The following AFF3 variants were observed in gnomAD, a reference collection of about 807,000 sequenced individuals.
AFF3 encodes the protein AF4/FMR2 family member 3.
AFF3 carries 32 observed loss-of-function variants against 129.7 expected under a neutral mutation model. That is an observed-to-expected ratio of 0.25 (90% CI 0.19 to 0.33). AFF3 has a LOEUF of 0.33. AFF3 is among the 10% of genes least tolerant of loss of function. The probability of loss-of-function intolerance (pLI) is 1.00; values close to 1 mark genes in which losing one functional copy is unlikely to be tolerated. For missense variants in AFF3, 1,373 were observed against 1,592.0 expected (o/e 0.86, Z 2.34); for synonymous variants, 644 against 635.4 (o/e 1.01, Z -0.20).
At chr2:100,116,305 CTT>C (rs1166880242) in intron 2 of AFF3, among the ~76,000 whole-genome samples, 1 of 151,802 alleles carries the variant, frequency 6.6e-6, no homozygotes, top group African/African-American at 2.4e-5. Flanking sequence ...GCCTGACAAA[CTT>C]TGCCTTTTAA....
chr2:100,103,861 T>C (rs2666309), intron 4 of AFF3, among the ~76,000 whole-genome samples: 33 of 150,590 alleles, frequency 2.2e-4, no homozygotes, highest in East Asian at 8.0e-4. Context: ...ACTCGTTTCC[T>C]GCCCTGGATG....
At chr2:99,829,736 T>A (rs1688376087) in intron 8 of AFF3, among the ~76,000 whole-genome samples, 1 of 152,146 alleles carries the variant, frequency 6.6e-6, no homozygotes, top group African/African-American at 2.4e-5. Flanking sequence ...TCCTCAAGGA[T>A]CTAGAACCAG....
At chr2:99,902,474 A>C (rs1231459436) in intron 7 of AFF3, among the ~76,000 whole-genome samples, 3 of 152,082 alleles carry the variant, frequency 2.0e-5, no homozygotes, top group Non-Finnish European at 2.9e-5. Context: ...ATCTCAACTC[A>C]ATGCAGGTGT....
At position 99,549,539 on chromosome 2, in the gene AFF3, C is replaced by T. The variant is rs1041525383; in HGVS notation, c.*1935G>A. ...GGCAGAGGATGCAGTGAGCCGAGAT[C>T]GTGCCACTGCACTCCAGCCTGGGCA... On this transcript the variant is annotated 3_prime_UTR_variant, in exon 25 of 25. Coordinates refer to ENST00000672756, the MANE Select transcript of AFF3 (RefSeq NM_001386135.1). 12 of 184,290 alleles carry T rather than the reference C, an allele frequency of 6.5e-5. No homozygotes were observed. The highest frequency in any genetic ancestry group is 5.3e-4 in the East Asian group (6 of 11,264). The allele number at this position is 184,290 out of a possible 1,614,324, so 11.4% of individuals were successfully genotyped here.
In AFF3 at chr2:99,877,067, G is replaced by A. The variant is rs1328313544; in HGVS notation, c.874-39543C>T. Among the ~76,000 whole-genome samples, 4 of 152,156 alleles carry A rather than the reference G, an allele frequency of 2.6e-5. No homozygotes were observed. The East Asian group carries it at 7.7e-4, about 29-fold the overall frequency. On this transcript the variant is annotated intron_variant, in intron 7 of 24. Transcript: ENST00000672756. ...GCTGAGGGAGAGAGGAAGATAAGAA[G>A]GTCTAACCTAACAACATTTCCAGGA...
intron 4 of AFF3, among the ~76,000 whole-genome samples, chr2:100,082,526 G>A (rs2666321): frequency 0.012 from 1,843 of 152,274 alleles, 38 homozygotes; most frequent in African/African-American, 0.042. Flanking sequence ...CTCTTGGTGT[G>A]TAGCCAGACT....
chr2:100,001,961 G>A (rs188825877), intron 7 of AFF3, among the ~76,000 whole-genome samples: 1 of 152,356 alleles, frequency 6.6e-6, no homozygotes, highest in Non-Finnish European at 1.5e-5. Flanking sequence ...CGAGCAGACA[G>A]GAGGAAGCGC....
At chr2:99,766,025 C>A (rs985343855) in intron 8 of AFF3, among the ~76,000 whole-genome samples, 3 of 152,222 alleles carry the variant, frequency 2.0e-5, no homozygotes, top group African/African-American at 7.2e-5. Context: ...ATGCTATAGA[C>A]TACCCTTGCA....
Position 99,587,284 on chromosome 2 carries a change from T to C in AFF3, c.2467-6A>G, listed in dbSNP as rs1220928714. ...TAGTCGTCTTCGTTGTCACACTGTA[T>C]GGGAATAAACTAAAGTCAATCAGCA... is the stretch of plus-strand genomic sequence containing the variant. On this transcript the variant is annotated splice_region_variant and splice_polypyrimidine_tract_variant and intron_variant, in intron 15 of 24. Coordinates refer to ENST00000672756, the MANE Select transcript of AFF3 (RefSeq NM_001386135.1). 2.5e-6 allele frequency: 4 copies of C among 1,613,992 alleles called. No individual in the cohort carries two copies. The East Asian group carries it at 6.7e-5, about 27-fold the overall frequency.
At chr2:99,795,758 ACTC>A (rs1309552772) in intron 8 of AFF3, among the ~76,000 whole-genome samples, 1 of 149,392 alleles carries the variant, frequency 6.7e-6, no homozygotes, top group Non-Finnish European at 1.5e-5. Flanking sequence ...CATCTAGTAA[ACTC>A]CTCTTCTGCC....
intron 8 of AFF3, among the ~76,000 whole-genome samples, chr2:99,786,896 T>C (rs1684836299): frequency 6.6e-6 from 1 of 152,158 alleles, no homozygotes; most frequent in African/African-American, 2.4e-5. Context: ...ATACACACAG[T>C]AATGCTTCTC....
chr2:99,744,209 C>G (rs1044880517), intron 9 of AFF3, 69 bp from the exon 10 acceptor site: 18 of 1,437,852 alleles, frequency 1.3e-5, no homozygotes, highest in Non-Finnish European at 1.3e-5. Flanking sequence ...AACATGAGAT[C>G]ATGTTTAAAA....
chr2:99,866,797 T>C (rs1444919340), intron 7 of AFF3, among the ~76,000 whole-genome samples: 3 of 151,646 alleles, frequency 2.0e-5, no homozygotes, highest in South Asian at 4.2e-4. Context: ...GCCAACATGG[T>C]GAAACCCTAT....
intron 4 of AFF3, among the ~76,000 whole-genome samples, chr2:100,061,696 A>G (rs910716785): frequency 1.3e-5 from 2 of 152,184 alleles, no homozygotes; most frequent in Admixed American, 6.5e-5. Flanking sequence ...GGAGCTTTTC[A>G]AAGTTAATGT....
chr2:100,060,090 A>T (rs1487705884), intron 4 of AFF3, among the ~76,000 whole-genome samples: 2 of 152,134 alleles, frequency 1.3e-5, no homozygotes, highest in Admixed American at 6.6e-5. Context: ...TGAGGGAAAC[A>T]CACCCTCCAT....
At chr2:99,575,059 CCT>C (rs972284392) in intron 18 of AFF3, among the ~76,000 whole-genome samples, 4 of 152,090 alleles carry the variant, frequency 2.6e-5, no homozygotes, top group Admixed American at 2.6e-4. Context: ...TCATCATGTG[CCT>C]CTCTCTCCCC....
chr2:99,825,501 G>C (rs1264265236), intron 8 of AFF3, among the ~76,000 whole-genome samples: 1 of 152,206 alleles, frequency 6.6e-6, no homozygotes, highest in Non-Finnish European at 1.5e-5. Flanking sequence ...ACTTTGGATA[G>C]ATGTGTTTTA....
At chr2:100,014,160 G>A (rs1682794367) in intron 4 of AFF3, among the ~76,000 whole-genome samples, 1 of 151,724 alleles carries the variant, frequency 6.6e-6, no homozygotes, top group African/African-American at 2.4e-5. Context: ...CATTTCCCAT[G>A]GAGGAGACTT....
At chr2:99,749,015 G>C (rs747439681) in intron 9 of AFF3, among the ~76,000 whole-genome samples, 4 of 152,116 alleles carry the variant, frequency 2.6e-5, no homozygotes, top group Non-Finnish European at 5.9e-5. Flanking sequence ...GCAGTACAAT[G>C]TCTATGCTGT....
Sources: allele counts gnomAD v4.1 joint callset (sites outside exome capture counted in the v4.1 genomes callset), GRCh38; gene constraint gnomAD v4.1.1; transcripts MANE v1.5; gene names NCBI Gene and HGNC (gene_info 2026-07-23, HGNC 2026-07-21).